The following EPHB1 variants were observed in gnomAD, a reference collection of about 807,000 sequenced individuals.
The protein encoded by EPHB1 is ephrin type-B receptor 1.
A neutral mutation model predicts 94.4 loss-of-function variants in EPHB1; 30 were observed. The ratio of observed to expected loss-of-function variants is 0.32; its 90% CI spans 0.24 to 0.43. EPHB1 has a LOEUF of 0.43. Among genes scored for constraint, EPHB1 ranks in the 20% least tolerant of loss-of-function variants. The probability of loss-of-function intolerance (pLI) is 1.00; values close to 1 mark genes in which losing one functional copy is unlikely to be tolerated. For synonymous variants in EPHB1, 522 were observed against 489.1 expected (o/e 1.07, Z -0.89); for missense variants, 1,055 against 1,308.3 (o/e 0.81, Z 2.99).
intron 1 of EPHB1, among the ~76,000 whole-genome samples, chr3:134,821,075 G>C (rs1329649241): frequency 6.6e-6 from 1 of 152,114 alleles, no homozygotes; most frequent in African/African-American, 2.4e-5. Context: ...ATGAAGGCAG[G>C]CTAAAGACCC....
intron 13 of EPHB1, 64 bp from the exon 14 acceptor site, chr3:135,248,252 A>G: frequency 1.4e-6 from 2 of 1,437,058 alleles, no homozygotes; most frequent in African/African-American, 2.8e-5. Context: ...TAAAGGGGAT[A>G]ATTTGTGAGT....
chr3:135,181,250 A>G (rs1942144686), intron 10 of EPHB1, among the ~76,000 whole-genome samples: 1 of 152,194 alleles, frequency 6.6e-6, no homozygotes, highest in Non-Finnish European at 1.5e-5. Context: ...GTGCTGGGAA[A>G]TGACACACCA....
chr3:135,055,809 G>A (rs1937330028), intron 3 of EPHB1, among the ~76,000 whole-genome samples: 1 of 152,166 alleles, frequency 6.6e-6, no homozygotes, highest in African/African-American at 2.4e-5. Flanking sequence ...CATTTCTAGG[G>A]TGAAGGCTGT....
chr3:135,121,927 C>T (rs1488650597), intron 4 of EPHB1, among the ~76,000 whole-genome samples: 1 of 152,118 alleles, frequency 6.6e-6, no homozygotes, highest in East Asian at 1.9e-4. Context: ...ATGAAGTACA[C>T]TAAGGATCAC....
intron 1 of EPHB1, among the ~76,000 whole-genome samples, chr3:134,882,765 CCTTTCTTTCTTT>C (rs1553861896): frequency 5.0e-5 from 4 of 79,882 alleles, no homozygotes; most frequent in African/African-American, 1.8e-4. Flanking sequence ...TTCCTTCCTT[CCTTTCTTTCTTT>C]CTTTCTTTCT....
At chr3:134,860,900 A>G (rs2037243629) in intron 1 of EPHB1, among the ~76,000 whole-genome samples, 3 of 151,218 alleles carry the variant, frequency 2.0e-5, no homozygotes, top group Admixed American at 2.0e-4. Flanking sequence ...GCTCATCCCC[A>G]GATTTAATAG....
At chr3:134,855,340 C>A (rs746195938) in intron 1 of EPHB1, among the ~76,000 whole-genome samples, 1 of 152,188 alleles carries the variant, frequency 6.6e-6, no homozygotes, top group Non-Finnish European at 1.5e-5. Flanking sequence ...AGGCTTTGGA[C>A]TGGGGTGATG....
intron 1 of EPHB1, among the ~76,000 whole-genome samples, chr3:134,803,031 A>G (rs2035963593): frequency 6.6e-6 from 1 of 152,228 alleles, no homozygotes; most frequent in Non-Finnish European, 1.5e-5. Flanking sequence ...TCTCCAGGTC[A>G]GGTGAAATCC....
intron 15 of EPHB1, among the ~76,000 whole-genome samples, chr3:135,254,739 T>A: frequency 6.6e-6 from 1 of 152,086 alleles, no homozygotes; most frequent in East Asian, 1.9e-4. Context: ...ATAAAATGAG[T>A]TAGGGAGGAT....
chr3:135,127,245 C>T (rs936893001), intron 4 of EPHB1, among the ~76,000 whole-genome samples: 2 of 152,204 alleles, frequency 1.3e-5, no homozygotes, highest in African/African-American at 4.8e-5. Context: ...TGTGTTGCAA[C>T]ACGTGTTCAC....
intron 6 of EPHB1, among the ~76,000 whole-genome samples, chr3:135,155,439 G>A (rs2107695612): frequency 6.6e-6 from 1 of 152,206 alleles, no homozygotes; most frequent in African/African-American, 2.4e-5. Context: ...CAGCATGACT[G>A]GAGTGATGCA....
At chr3:134,905,478 G>A (rs1339596586) in intron 1 of EPHB1, among the ~76,000 whole-genome samples, 1 of 152,256 alleles carries the variant, frequency 6.6e-6, no homozygotes, top group Non-Finnish European at 1.5e-5. Flanking sequence ...CAGGGGGCAG[G>A]GCAAGCATTC....
chr3:135,093,453 C>T (rs1415661007), intron 3 of EPHB1, among the ~76,000 whole-genome samples: 2 of 152,152 alleles, frequency 1.3e-5, no homozygotes, highest in African/African-American at 2.4e-5. Context: ...CACGGTGGCC[C>T]ACACCTGTAA....
At chr3:134,975,413 T>G (rs1227725097) in intron 3 of EPHB1, among the ~76,000 whole-genome samples, 1 of 152,062 alleles carries the variant, frequency 6.6e-6, no homozygotes, top group African/African-American at 2.4e-5. Flanking sequence ...TACTATAGGC[T>G]GTAAGAGAGT....
intron 1 of EPHB1, among the ~76,000 whole-genome samples, chr3:134,905,658 A>C (rs1159411627): frequency 1.3e-5 from 2 of 152,160 alleles, no homozygotes; most frequent in African/African-American, 2.4e-5. Flanking sequence ...GGAGTACACC[A>C]CACTTCTGGC....
At chr3:135,249,603 C>G in intron 15 of EPHB1, 112 bp downstream of exon 15, 8 of 1,267,364 alleles carry the variant, frequency 6.3e-6, no homozygotes, top group Non-Finnish European at 7.6e-6. Context: ...AGCTCCGTCT[C>G]TGTATAGACC....
chr3:135,052,769 G>A (rs1457659680), intron 3 of EPHB1, among the ~76,000 whole-genome samples: 1 of 141,728 alleles, frequency 7.1e-6, no homozygotes, highest in Non-Finnish European at 1.5e-5. Context: ...GCTGAGGCAG[G>A]AGAATGGCGT....
At chr3:134,821,450 A>C (rs944034533) in intron 1 of EPHB1, among the ~76,000 whole-genome samples, 10 of 152,146 alleles carry the variant, frequency 6.6e-5, no homozygotes, top group African/African-American at 2.4e-4. Context: ...TAAAAAAAAA[A>C]AATACCCAGG....
At chr3:134,845,056 C>G (rs2036846889) in intron 1 of EPHB1, among the ~76,000 whole-genome samples, 1 of 152,222 alleles carries the variant, frequency 6.6e-6, no homozygotes, top group Non-Finnish European at 1.5e-5. Flanking sequence ...TTATTGCACT[C>G]ATAATCTGAA....
Sources: allele counts gnomAD v4.1 joint callset (sites outside exome capture counted in the v4.1 genomes callset), GRCh38; gene constraint gnomAD v4.1.1; transcripts MANE v1.5; gene names NCBI Gene and HGNC (gene_info 2026-07-23, HGNC 2026-07-21).